The following ABCA13 variants were observed in gnomAD, a reference collection of about 807,000 sequenced individuals.
ABCA13 encodes ATP-binding cassette sub-family A member 13.
A neutral mutation model predicts 478.7 loss-of-function variants in ABCA13; 476 were observed. The observed-to-expected ratio is 0.99, with a 90% confidence interval of 0.92 to 1.07. The LOEUF (loss-of-function observed/expected upper bound fraction) is 1.07, where lower values mean the gene tolerates loss of function less well. ABCA13 is among the 50% of genes least tolerant of loss of function. The probability of loss-of-function intolerance (pLI) is 0.00; values close to 1 mark genes in which losing one functional copy is unlikely to be tolerated. For missense variants in ABCA13, 6,060 were observed against 5,910.6 expected (o/e 1.03, Z -0.83); for synonymous variants, 2,252 against 2,158.9 (o/e 1.04, Z -1.20).
At chr7:48,378,438 T>C (rs1272127629) in intron 35 of ABCA13, among the ~76,000 whole-genome samples, 1 of 152,158 alleles carries the variant, frequency 6.6e-6, no homozygotes, top group Non-Finnish European at 1.5e-5. Context: ...CTAGAGTTGG[T>C]AATCTTTTGG....
At chr7:48,297,380 T>A in intron 22 of ABCA13, 69 bp downstream of exon 22, 1 of 1,386,284 alleles carries the variant, frequency 7.2e-7, no homozygotes, top group Non-Finnish European at 9.9e-7. Flanking sequence ...AATATATTAT[T>A]AAAATAAAAC....
chr7:48,608,767 T>TA (rs1169492113), intron 58 of ABCA13, among the ~76,000 whole-genome samples: 3 of 152,254 alleles, frequency 2.0e-5, no homozygotes, highest in Non-Finnish European at 2.9e-5. Flanking sequence ...AGTCTTCTTA[T>TA]CCTAAGTTTA....
intron 42 of ABCA13, among the ~76,000 whole-genome samples, chr7:48,448,608 A>G (rs778761677): frequency 5.5e-4 from 83 of 152,224 alleles, no homozygotes; most frequent in Non-Finnish European, 3.5e-4. Context: ...GGAAATTTTA[A>G]TGGCATGACA....
intron 41 of ABCA13, among the ~76,000 whole-genome samples, chr7:48,415,073 T>C (rs943650663): frequency 4.6e-5 from 7 of 152,166 alleles, no homozygotes; most frequent in African/African-American, 1.7e-4. Context: ...TGAGTCAGAA[T>C]GCAGGTTTAC....
intron 45 of ABCA13, among the ~76,000 whole-genome samples, chr7:48,475,798 G>A (rs1182213157): frequency 6.6e-6 from 1 of 152,066 alleles, no homozygotes; most frequent in Non-Finnish European, 1.5e-5. Flanking sequence ...TGCTGTGGCT[G>A]TCTCCAAACC....
At chr7:48,618,079 C>G (rs766423514) in intron 59 of ABCA13, among the ~76,000 whole-genome samples, 79 of 152,314 alleles carry the variant, frequency 5.2e-4, no homozygotes, top group African/African-American at 1.9e-3. Flanking sequence ...CTTCAGACCC[C>G]ACCTGGGCTC....
At chr7:48,492,851 C>T (rs1416390790) in intron 48 of ABCA13, among the ~76,000 whole-genome samples, 1 of 151,928 alleles carries the variant, frequency 6.6e-6, no homozygotes, top group Admixed American at 6.6e-5. Flanking sequence ...CATGGTGAAA[C>T]CCTGTCTGTA....
intron 58 of ABCA13, among the ~76,000 whole-genome samples, chr7:48,599,950 G>A (rs115971264): frequency 0.021 from 3,240 of 152,196 alleles, 110 homozygotes; most frequent in African/African-American, 0.073. Context: ...TGACAGTGTT[G>A]TTTAAGTATT....
chr7:48,195,401 G>A (rs1797793271), intron 2 of ABCA13, among the ~76,000 whole-genome samples: 1 of 152,170 alleles, frequency 6.6e-6, no homozygotes, highest in Non-Finnish European at 1.5e-5. Flanking sequence ...TGAATAACCA[G>A]GCAAGAGATG....
intron 55 of ABCA13, among the ~76,000 whole-genome samples, chr7:48,548,228 C>T (rs929013781): frequency 3.9e-5 from 6 of 151,954 alleles, no homozygotes; most frequent in South Asian, 4.1e-4. Context: ...ATTCCTATCC[C>T]GATATGCCAC....
intron 6 of ABCA13, among the ~76,000 whole-genome samples, chr7:48,228,393 C>T (rs1283982436): frequency 3.3e-5 from 5 of 152,156 alleles, no homozygotes; most frequent in Non-Finnish European, 7.3e-5. Flanking sequence ...TTTTCTGGCC[C>T]CTCCTTCTGA....
chr7:48,511,497 A>C (rs1180421451), intron 51 of ABCA13, among the ~76,000 whole-genome samples: 1 of 152,168 alleles, frequency 6.6e-6, no homozygotes, highest in African/African-American at 2.4e-5. Context: ...TCACTTTGAC[A>C]TTAATCAGGG....
chr7:48,600,112 A>C (rs1287218484), intron 58 of ABCA13, among the ~76,000 whole-genome samples: 3 of 152,092 alleles, frequency 2.0e-5, no homozygotes, highest in Non-Finnish European at 4.4e-5. Context: ...AGTTAGGTGA[A>C]TATGCATTCT....
At position 48,308,352 on chromosome 7, in the gene ABCA13, A is replaced by T. The variant is rs564554451; in HGVS notation, c.9322-1595A>T. On this transcript the variant is annotated intron_variant, in intron 23 of 61. Coordinates refer to ENST00000435803, the MANE Select transcript of ABCA13 (RefSeq NM_152701.5). The stretch of plus-strand genomic sequence containing the variant: ...TTGCCTGTGGCTGTTTTACAGTTAA[A>T]TTTTTTTTAATAACTAGAAAGAGTA... 3.2e-3 allele frequency among the ~76,000 whole-genome samples: 486 copies of T among 152,166 alleles called. 2 individuals carry two copies. The highest frequency in any genetic ancestry group is 5.2e-3 in the Non-Finnish European group (356 of 68,004).
At chr7:48,314,974 C>T (rs1239618933) in intron 26 of ABCA13, among the ~76,000 whole-genome samples, 1 of 151,852 alleles carries the variant, frequency 6.6e-6, no homozygotes, top group Non-Finnish European at 1.5e-5. Context: ...ATTTTTTGGC[C>T]CCAATTTAAG....
At chr7:48,176,293 A>G (rs1794866322) in intron 1 of ABCA13, among the ~76,000 whole-genome samples, 2 of 152,174 alleles carry the variant, frequency 1.3e-5, no homozygotes, top group South Asian at 4.1e-4. Flanking sequence ...GACTTGGGCT[A>G]GTGGAGGAGG....
At chr7:48,583,246 C>T (rs992523379) in intron 56 of ABCA13, among the ~76,000 whole-genome samples, 3 of 152,114 alleles carry the variant, frequency 2.0e-5, no homozygotes, top group African/African-American at 7.2e-5. Flanking sequence ...CTTCCATTCA[C>T]ACAGTCAGTT....
At chr7:48,347,806 A>G (rs549895150) in intron 29 of ABCA13, among the ~76,000 whole-genome samples, 10 of 152,372 alleles carry the variant, frequency 6.6e-5, no homozygotes, top group Non-Finnish European at 1.2e-4. Context: ...AAACAATTTT[A>G]TATAGTGTAT....
chr7:48,358,219 AGGAAG>A lies in ABCA13; in HGVS notation c.10688+5735_10688+5739del, dbSNP rs1810258233. Among the ~76,000 whole-genome samples, 4 of 83,388 alleles carry A rather than the reference AGGAAG, an allele frequency of 4.8e-5. No individual in the cohort carries two copies. The South Asian group carries it at 1.5e-3, about 32-fold the overall frequency. The allele number at this position is 83,388 out of a possible 152,430, so 54.7% of individuals were successfully genotyped here. ...GACAGGAAAGGAAAGGAAAAAGGAA[AGGAAG>A]GGGAGGGGAGGGGAGGGGAGGGGAG... On this transcript the variant is annotated intron_variant, in intron 31 of 61. Coordinates refer to ENST00000435803, the MANE Select transcript of ABCA13 (RefSeq NM_152701.5).
Sources: gnomAD v4.1 joint callset for allele counts (sites outside exome capture counted in the v4.1 genomes callset) on GRCh38, gnomAD v4.1.1 for gene constraint, MANE v1.5 for transcripts, NCBI Gene and HGNC (gene_info 2026-07-23, HGNC 2026-07-21) for gene names.